Variants in TRIM25 observed in about 807,000 individuals in gnomAD.
TRIM25 encodes the protein E3 ubiquitin/ISG15 ligase TRIM25.
Under a neutral mutation model 65.2 loss-of-function variants are expected in TRIM25, and 45 were observed. That is an observed-to-expected ratio of 0.69 (90% CI 0.54 to 0.89). The LOEUF is 0.89. TRIM25 is among the 40% of genes least tolerant of loss of function. TRIM25 has a pLI of 0.00. For synonymous variants in TRIM25, 321 were observed against 340.4 expected, an observed-to-expected ratio of 0.94 and a Z score of 0.63; for missense variants, 714 against 803.7, an observed-to-expected ratio of 0.89 and a Z score of 1.35.
intron 5 of TRIM25, 115 bp from the exon 6 acceptor site, chr17:56,896,067 A>T: frequency 8.4e-7 from 1 of 1,195,382 alleles, no homozygotes; most frequent in Non-Finnish European, 1.2e-6. Flanking sequence ...GGATGTTTTA[A>T]TTTGAAAAAC....
Position 56,913,888 on chromosome 17 carries a change from C to T in TRIM25, c.101G>A (p.Gly34Glu). The stretch of plus-strand genomic sequence containing the variant: ...TGCCCACGTCTCATTCAGGCACGAC[C>T]CGCAGAAGTTGTGGCCGCACGGAGT... The part of the protein sequence containing the change: ...VTTPCGHNFC[G>E]SCLNETWAVQ... Residue 34 changes from glycine to glutamate, a missense_variant, in exon 1 of 9, where the codon GGG becomes GAG. By Grantham distance (98) the Gly-to-Glu change is moderately conservative (BLOSUM62 -2). Around this residue, in one of 3 missense-constraint regions of TRIM25, gnomAD observed 291 missense variants for 281.8 expected, o/e 1.03. Transcript: ENST00000316881. This position sits in a 1 kb window ranked among gnomAD's most constrained non-coding sequence, Gnocchi z 6.1. 1 of 1,563,860 alleles carries T rather than the reference C, an allele frequency of 6.4e-7. No individual in the cohort carries two copies. The highest frequency in any genetic ancestry group is 8.7e-7 in the Non-Finnish European group (1 of 1,154,534).
At chr17:56,892,895 A>G (rs921472150) in intron 8 of TRIM25, among the ~76,000 whole-genome samples, 2 of 152,268 alleles carry the variant, frequency 1.3e-5, no homozygotes, top group Non-Finnish European at 2.9e-5. Context: ...ACACTCTGCC[A>G]AAAGGGTAAG....
chr17:56,905,917 T>C (rs1034527583), intron 2 of TRIM25, among the ~76,000 whole-genome samples: 20 of 152,124 alleles, frequency 1.3e-4, no homozygotes, highest in African/African-American at 4.6e-4. Flanking sequence ...GAGCTATGAT[T>C]GTTCCACTGC....
chr17:56,900,427 A>G (rs1909388085), intron 4 of TRIM25, among the ~76,000 whole-genome samples: 1 of 152,166 alleles, frequency 6.6e-6, no homozygotes, highest in African/African-American at 2.4e-5. Context: ...CACAGAGATC[A>G]CAACCTAATG....
intron 5 of TRIM25, among the ~76,000 whole-genome samples, chr17:56,896,378 G>A (rs955206886): frequency 6.6e-6 from 1 of 150,528 alleles, no homozygotes; most frequent in African/African-American, 2.4e-5. Flanking sequence ...AGGGCTGGGC[G>A]CATGGTGGCT....
rs1314739077 is a variant in TRIM25, at chr17:56,913,373, C to T, written c.597+19G>A. On this transcript the variant is annotated intron_variant, in intron 1 of 8. Coordinates refer to ENST00000316881, the MANE Select transcript of TRIM25 (RefSeq NM_005082.5). The surrounding 1 kb of genome is among the most constrained non-coding windows in gnomAD (Gnocchi z 6.1). ...CATCAGGCCAGGCTGCCCTCTGCACCCAGCAGGCCGTTCCCTACCTCCAGG... is the reference window on the plus strand; with the variant it reads ...CATCAGGCCAGGCTGCCCTCTGCACTCAGCAGGCCGTTCCCTACCTCCAGG... 7.8e-6 allele frequency: 12 copies of T among 1,539,876 alleles called. No individual in the cohort carries two copies. The highest frequency in any genetic ancestry group is 8.8e-6 in the Non-Finnish European group (10 of 1,139,056).
At chr17:56,892,572 T>G (rs1909203579) in intron 8 of TRIM25, among the ~76,000 whole-genome samples, 1 of 152,210 alleles carries the variant, frequency 6.6e-6, no homozygotes, top group Non-Finnish European at 1.5e-5. Context: ...CATTCATTCA[T>G]TAATCTATCC....
In TRIM25 at chr17:56,889,283, G is replaced by A. The variant is rs969944116; in HGVS notation, c.*2417C>T. 6.5e-6 allele frequency: 1 copy of A among 152,752 alleles called. No homozygotes were observed. Among genetic ancestry groups the A allele is most frequent in the Non-Finnish European group, 1.5e-5 (1 of 68,486 alleles). The allele number at this position is 152,752 out of a possible 1,614,324, so 9.5% of individuals were successfully genotyped here. ...GAGTTATTTTATGTTTGTGTTTCTG[G>A]GAATTTCCGATACTTCCCAGTGTAT... On this transcript the variant is annotated 3_prime_UTR_variant, in exon 9 of 9. Coordinates refer to ENST00000316881, the MANE Select transcript of TRIM25 (RefSeq NM_005082.5).
intron 5 of TRIM25, 122 bp downstream of exon 5, chr17:56,898,993 A>G (rs1433262459): frequency 4.3e-6 from 5 of 1,160,010 alleles, no homozygotes; most frequent in Non-Finnish European, 6.3e-6. Context: ...ACTGCCACCA[A>G]CTTCTTTCCC....
chr17:56,892,484 T>C (rs1029692673), intron 8 of TRIM25, among the ~76,000 whole-genome samples: 1 of 152,186 alleles, frequency 6.6e-6, no homozygotes, highest in Non-Finnish European at 1.5e-5. Context: ...TACCCATCTA[T>C]CTACCTATCT....
chr17:56,905,576 G>A (rs1440206266), intron 2 of TRIM25, among the ~76,000 whole-genome samples: 3 of 152,026 alleles, frequency 2.0e-5, no homozygotes, highest in African/African-American at 7.2e-5. Flanking sequence ...CCAAAAAAAG[G>A]AATGTAAAAT....
Position 56,888,192 on chromosome 17 carries a change from A to C in TRIM25, c.*3508T>G, listed in dbSNP as rs1209841000. ...GTCCCCCGCCCCATAGGTCAGGCTG[A>C]CTCAAAGCCTCAAACCTCTAATCAC... On this transcript the variant is annotated 3_prime_UTR_variant, in exon 9 of 9. Coordinates refer to ENST00000316881, the MANE Select transcript of TRIM25 (RefSeq NM_005082.5). 1 of 152,310 alleles carries C rather than the reference A, an allele frequency of 6.6e-6. No homozygotes were observed. Among genetic ancestry groups the C allele is most frequent in the Non-Finnish European group, 1.5e-5 (1 of 68,102 alleles). 9.4% of individuals were successfully genotyped at this position (152,310 alleles called of 1,614,324 possible). A position where few individuals can be genotyped will look rare whatever the true frequency, so the allele number is the denominator to read the frequency against.
chr17:56,904,880 C>A (rs950133803), intron 2 of TRIM25, among the ~76,000 whole-genome samples: 2 of 152,164 alleles, frequency 1.3e-5, no homozygotes, highest in Non-Finnish European at 1.5e-5. Context: ...TAAACTGGAG[C>A]TATGCCTGGA....
chr17:56,890,737 C>T lies in TRIM25; in HGVS notation c.*963G>A, dbSNP rs1030442935. 8.8e-6 allele frequency: 4 copies of T among 456,498 alleles called. No homozygotes were observed. Among genetic ancestry groups the T allele is most frequent in the East Asian group, 6.9e-5 (1 of 14,394 alleles). The allele number at this position is 456,498 out of a possible 1,614,324, so 28.3% of individuals were successfully genotyped here. A position where few individuals can be genotyped will look rare whatever the true frequency, so the allele number is the denominator to read the frequency against. On this transcript the variant is annotated 3_prime_UTR_variant, in exon 9 of 9. Coordinates refer to ENST00000316881, the MANE Select transcript of TRIM25 (RefSeq NM_005082.5). ...CAATCCAGGGAAGAGAGGCTATCAC[C>T]GAGAAGAGTTGTCAGTAAGAAGGCA...
Position 56,891,680 on chromosome 17 carries a change from C to T in TRIM25, c.*20G>A. 2 of 1,602,810 alleles carry T rather than the reference C, an allele frequency of 1.2e-6. No individual in the cohort carries two copies. Among genetic ancestry groups the T allele is most frequent in the South Asian group, 1.1e-5 (1 of 89,806 alleles). On this transcript the variant is annotated 3_prime_UTR_variant, in exon 9 of 9. Transcript: ENST00000316881. ...TCTTGGGACTTCTGCAGGCAGTCAG[C>T]CCAAGTGCCTACAGCCTGCCTACTT...
At chr17:56,897,911 A>G (rs1285179103) in intron 5 of TRIM25, among the ~76,000 whole-genome samples, 1 of 152,194 alleles carries the variant, frequency 6.6e-6, no homozygotes, top group Non-Finnish European at 1.5e-5. Flanking sequence ...TGCACCAGGC[A>G]TCCCAGCCCT....
intron 4 of TRIM25, among the ~76,000 whole-genome samples, chr17:56,899,924 A>AT (rs1395006167): frequency 6.6e-6 from 1 of 152,206 alleles, no homozygotes; most frequent in Non-Finnish European, 1.5e-5. Context: ...TACAAAAAAA[A>AT]TTTTTTAGGC....
At chr17:56,909,174 C>G (rs994167125) in intron 1 of TRIM25, among the ~76,000 whole-genome samples, 1 of 151,730 alleles carries the variant, frequency 6.6e-6, no homozygotes, top group Non-Finnish European at 1.5e-5. Flanking sequence ...CTAAAAGATG[C>G]TGGAGAGCCA....
chr17:56,905,207 T>C (rs958920353), intron 2 of TRIM25, among the ~76,000 whole-genome samples: 3 of 151,996 alleles, frequency 2.0e-5, no homozygotes, highest in African/African-American at 7.3e-5. Context: ...CTACTAAAAA[T>C]ACAAAAATTA....
Sources: allele counts gnomAD v4.1 joint callset (sites outside exome capture counted in the v4.1 genomes callset), GRCh38; gene constraint gnomAD v4.1.1; regional missense constraint gnomAD v4.1.1; non-coding constraint Gnocchi (gnomAD v3.1); transcripts MANE v1.5; gene names NCBI Gene and HGNC (gene_info 2026-07-23, HGNC 2026-07-21).